The following KDM4C variants were observed in gnomAD, a reference collection of about 807,000 sequenced individuals.
KDM4C encodes lysine demethylase 4C, also known as lysine-specific demethylase 4C.
A neutral mutation model predicts 129.3 loss-of-function variants in KDM4C; 81 were observed. The observed-to-expected ratio is 0.63, with a 90% CI of 0.52 to 0.75. KDM4C has a LOEUF of 0.75. Ranked by LOEUF, KDM4C falls within the 30% of genes least tolerant of loss-of-function variation. The probability of loss-of-function intolerance (pLI) is 0.00; values close to 1 mark genes in which losing one functional copy is unlikely to be tolerated. For missense variants in KDM4C, 1,457 were observed against 1,304.0 expected (o/e 1.12, Z -1.81); for synonymous variants, 573 against 456.1 (o/e 1.26, Z -3.26).
chr9:7,138,502 T>C lies in KDM4C; in HGVS notation c.2781+10266T>C, dbSNP rs142701530. On this transcript the variant is annotated intron_variant, in intron 19 of 21. Coordinates refer to ENST00000381309, the MANE Select transcript of KDM4C (RefSeq NM_015061.6). The stretch of plus-strand genomic sequence containing the variant: ...TTTTTCCACGAGTAATTAAAGCTGG[T>C]GTGATCTGTGCCTGAAAAAGATCTC... Among the ~76,000 whole-genome samples the C allele has an allele frequency of 9.1e-3, 1,381 of 152,302 alleles. 31 individuals carry two copies. Among genetic ancestry groups the C allele is most frequent in the African/African-American group, 0.032 (1,320 of 41,560 alleles).
chr9:6,888,906 G>C lies in KDM4C; in HGVS notation c.783+843G>C, dbSNP rs1000995744. 2.8e-5 allele frequency among the ~76,000 whole-genome samples: 2 copies of C among 72,302 alleles called. 1 individual carries two copies. The highest frequency in any genetic ancestry group is 5.3e-5 in the Non-Finnish European group (2 of 37,926). The allele number at this position is 72,302 out of a possible 152,430, so 47.4% of individuals were successfully genotyped here. On this transcript the variant is annotated intron_variant, in intron 7 of 21. Coordinates refer to ENST00000381309, the MANE Select transcript of KDM4C (RefSeq NM_015061.6). ...GGGTTCACGCCATTCTCCTGCCTCA[G>C]CCTCCCAAGTAGCTGGGACTACAGG... is the stretch of plus-strand genomic sequence containing the variant.
chr9:6,747,156 G>A (rs988755801), intron 1 of KDM4C, among the ~76,000 whole-genome samples: 2 of 151,888 alleles, frequency 1.3e-5, no homozygotes, highest in East Asian at 1.9e-4. Flanking sequence ...TCACTCCACT[G>A]CACTTCAGCC....
intron 6 of KDM4C, among the ~76,000 whole-genome samples, chr9:6,886,413 A>G (rs1181634731): frequency 2.6e-5 from 4 of 151,480 alleles, no homozygotes; most frequent in Non-Finnish European, 2.9e-5. Context: ...CCTGGGTTCA[A>G]GTGAATCTCA....
chr9:6,802,105 C>CAAA (rs34465609), intron 2 of KDM4C, among the ~76,000 whole-genome samples: 1 of 117,726 alleles, frequency 8.5e-6, no homozygotes, highest in Non-Finnish European at 1.8e-5. Context: ...AACTTTGTCT[C>CAAA]AAAAAAAAAA....
rs934971468 is a variant in KDM4C at position 6,859,980 on chromosome 9, G to T, written c.629+10280G>T. On this transcript the variant is annotated intron_variant, in intron 5 of 21. Transcript: ENST00000381309. Reference sequence around the variant, plus strand: ...AACTGATTTTTCCTATAGCTTTAAGGAGAAAAGAAAAGAGTAAAGATGAAG... The same window carrying T: ...AACTGATTTTTCCTATAGCTTTAAGTAGAAAAGAAAAGAGTAAAGATGAAG... Among the ~76,000 whole-genome samples, 3 of 152,148 alleles carry T rather than the reference G, an allele frequency of 2.0e-5. No individual in the cohort carries two copies. The South Asian group carries it at 6.2e-4, about 31-fold the overall frequency.
At chr9:6,955,080 T>G (rs1589294317) in intron 8 of KDM4C, among the ~76,000 whole-genome samples, 1 of 152,186 alleles carries the variant, frequency 6.6e-6, no homozygotes, top group Non-Finnish European at 1.5e-5. Flanking sequence ...CAGGAACAGG[T>G]GCATCTCCTG....
At chr9:6,813,155 A>G (rs1209877419) in intron 3 of KDM4C, among the ~76,000 whole-genome samples, 1 of 152,170 alleles carries the variant, frequency 6.6e-6, no homozygotes, top group Non-Finnish European at 1.5e-5. Flanking sequence ...AGCCTGGGCA[A>G]CAAGAGTGAG....
At chr9:6,755,708 T>C (rs540416660), upstream of KDM4C, among the ~76,000 whole-genome samples, 18 of 152,340 alleles carry the variant, frequency 1.2e-4, no homozygotes. Flanking sequence ...ATTTAAACAA[T>C]TGAATCTAAA....
intron 15 of KDM4C, among the ~76,000 whole-genome samples, chr9:7,027,983 G>A (rs945170032): frequency 2.0e-5 from 3 of 152,042 alleles, no homozygotes; most frequent in South Asian, 2.1e-4. Flanking sequence ...CTCACCCTTC[G>A]GGACACTGGG....
chr9:7,035,335 ATT>A (rs112264338), intron 15 of KDM4C, among the ~76,000 whole-genome samples: 1 of 84,638 alleles, frequency 1.2e-5, no homozygotes. Context: ...CTTAAATCAG[ATT>A]TTTTTTTTTT....
intron 4 of KDM4C, among the ~76,000 whole-genome samples, chr9:6,823,865 G>C (rs577288521): frequency 2.0e-5 from 3 of 152,338 alleles, no homozygotes; most frequent in African/African-American, 7.2e-5. Flanking sequence ...ACTCTTCGTA[G>C]GCTTCTGTAG....
intron 5 of KDM4C, among the ~76,000 whole-genome samples, chr9:6,863,781 G>A (rs1382326136): frequency 7.2e-6 from 1 of 139,224 alleles, no homozygotes; most frequent in East Asian, 2.1e-4. Context: ...GCGACACAGC[G>A]AGACTCCATC....
At chr9:6,917,509 T>C (rs1020761079) in intron 8 of KDM4C, among the ~76,000 whole-genome samples, 7 of 152,318 alleles carry the variant, frequency 4.6e-5, no homozygotes, top group African/African-American at 1.7e-4. Context: ...AAAATCCCCA[T>C]CTTGTTCAAC....
chr9:6,986,223 GTGCATGCGCA>G (rs1181256496), intron 10 of KDM4C, 111 bp from the exon 11 acceptor site: 11 of 655,978 alleles, frequency 1.7e-5, no homozygotes, highest in African/African-American at 3.6e-5. Flanking sequence ...GTGCATGTAT[GTGCATGCGCA>G]TGCGTGTGTA....
chr9:7,075,373 A>T (rs527985178), intron 17 of KDM4C, among the ~76,000 whole-genome samples: 1 of 152,066 alleles, frequency 6.6e-6, no homozygotes, highest in African/African-American at 2.4e-5. Flanking sequence ...CCAGTGTGGC[A>T]GTGTTGGGGG....
intron 12 of KDM4C, among the ~76,000 whole-genome samples, chr9:7,010,464 G>A (rs115684300): frequency 3.7e-4 from 57 of 152,236 alleles, no homozygotes; most frequent in African/African-American, 1.2e-3. Context: ...TCTAAAACAG[G>A]TAAGTCAACA....
At chr9:6,799,755 A>AT (rs1318471313) in intron 2 of KDM4C, among the ~76,000 whole-genome samples, 1 of 147,494 alleles carries the variant, frequency 6.8e-6, no homozygotes, top group Non-Finnish European at 1.5e-5. Context: ...TCTGTGTTCC[A>AT]TTTTTTTATT....
chr9:6,907,405 T>G (rs561478880), intron 8 of KDM4C, among the ~76,000 whole-genome samples: 1 of 152,322 alleles, frequency 6.6e-6, no homozygotes, highest in South Asian at 2.1e-4. Flanking sequence ...TCTATTTTCA[T>G]GTATTATTTA....
At chr9:6,976,685 C>A (rs1044483116) in intron 8 of KDM4C, among the ~76,000 whole-genome samples, 1 of 152,152 alleles carries the variant, frequency 6.6e-6, no homozygotes, top group Non-Finnish European at 1.5e-5. Context: ...TGATAGCCTT[C>A]AAGAGCAATA....
Sources: allele counts gnomAD v4.1 joint callset (sites outside exome capture counted in the v4.1 genomes callset), GRCh38; gene constraint gnomAD v4.1.1; transcripts MANE v1.5; gene names NCBI Gene and HGNC (gene_info 2026-07-23, HGNC 2026-07-21).